The following LONRF1 variants were observed in gnomAD, a reference collection of about 807,000 sequenced individuals.
The protein encoded by LONRF1 is LON peptidase N-terminal domain and RING finger protein 1.
In LONRF1, 37 loss-of-function variants were observed where a neutral mutation model predicts 85.8. That is an observed-to-expected ratio of 0.43 (90% CI 0.33 to 0.57). LONRF1 has a LOEUF of 0.57. LONRF1 is among the 20% of genes least tolerant of loss of function. The pLI, the probability that LONRF1 is intolerant of heterozygous loss-of-function variation, is 0.04. For synonymous variants in LONRF1, 517 were observed against 390.1 expected (o/e 1.33, Z -3.83); for missense variants, 1,036 against 978.0 (o/e 1.06, Z -0.79).
intron 1 of LONRF1, among the ~76,000 whole-genome samples, chr8:12,746,991 T>C (rs956860817): frequency 6.6e-6 from 1 of 152,248 alleles, no homozygotes; most frequent in African/African-American, 2.4e-5. Context: ...ATATACATTA[T>C]TTATTAAAGT....
chr8:12,727,024 T>C (rs1460313534), intron 10 of LONRF1, among the ~76,000 whole-genome samples: 7 of 151,522 alleles, frequency 4.6e-5, no homozygotes, highest in South Asian at 2.1e-4. Flanking sequence ...AGCCACACAA[T>C]TGAAGAATTT....
intron 1 of LONRF1, among the ~76,000 whole-genome samples, chr8:12,752,417 C>G (rs1411957752): frequency 6.6e-6 from 1 of 152,032 alleles, no homozygotes; most frequent in Non-Finnish European, 1.5e-5. Context: ...ATTAAGAATT[C>G]AAAAGATTAA....
At chr8:12,737,826 T>C (rs780772448) in intron 4 of LONRF1, among the ~76,000 whole-genome samples, 169 bp downstream of exon 4, 2 of 152,210 alleles carry the variant, frequency 1.3e-5, no homozygotes, top group Non-Finnish European at 2.9e-5. Context: ...ATATTTTACA[T>C]AAAAGATTTT....
intron 1 of LONRF1, among the ~76,000 whole-genome samples, chr8:12,752,281 T>C (rs1799438767): frequency 1.3e-5 from 2 of 152,244 alleles, no homozygotes; most frequent in South Asian, 4.1e-4. Flanking sequence ...CTAAGGATTG[T>C]ACAAACAGCT....
At chr8:12,745,414 C>CA (rs1234664897) in intron 1 of LONRF1, among the ~76,000 whole-genome samples, 1 of 140,984 alleles carries the variant, frequency 7.1e-6, no homozygotes, top group Non-Finnish European at 1.5e-5. Flanking sequence ...ACACTGATCT[C>CA]AAATTCTTAA....
At chr8:12,737,972 G>T in intron 4 of LONRF1, 23 bp downstream of exon 4, 2 of 1,587,954 alleles carry the variant, frequency 1.3e-6, no homozygotes, top group South Asian at 1.2e-5. Flanking sequence ...CTAAACTCAT[G>T]ATAACCTTGT....
At chr8:12,751,241 TATAA>T (rs1484447960) in intron 1 of LONRF1, among the ~76,000 whole-genome samples, 2 of 150,516 alleles carry the variant, frequency 1.3e-5, no homozygotes, top group Non-Finnish European at 3.0e-5. Context: ...ATGATATTAA[TATAA>T]ATAATGTAAA....
chr8:12,738,271 G>T, intron 3 of LONRF1, 127 bp from the exon 4 acceptor site: 1 of 621,894 alleles, frequency 1.6e-6, no homozygotes, highest in Non-Finnish European at 2.6e-6. Context: ...GAGCAGGAGG[G>T]GAACAAGGTA....
intron 10 of LONRF1, chr8:12,726,115 G>T (rs906027371): frequency 8.0e-5 from 31 of 387,912 alleles, no homozygotes; most frequent in African/African-American, 5.3e-4. Context: ...TGACTTAGCA[G>T]TGCAATATTG....
intron 1 of LONRF1, among the ~76,000 whole-genome samples, chr8:12,752,440 C>T (rs577839409): frequency 5.9e-5 from 9 of 152,278 alleles, no homozygotes; most frequent in Non-Finnish European, 1.3e-4. Flanking sequence ...AACTTATCCT[C>T]ATTAGTGCCA....
intron 11 of LONRF1, 137 bp from the exon 12 acceptor site, chr8:12,723,391 T>C: frequency 2.8e-6 from 2 of 714,870 alleles, no homozygotes; most frequent in East Asian, 2.7e-5. Flanking sequence ...TTAACAATTA[T>C]GCAAAGTATA....
intron 1 of LONRF1, among the ~76,000 whole-genome samples, chr8:12,747,546 T>C (rs1307077319): frequency 6.6e-6 from 1 of 152,216 alleles, no homozygotes; most frequent in Non-Finnish European, 1.5e-5. Context: ...TTATTTGTGA[T>C]TCTAGGAATG....
intron 3 of LONRF1, among the ~76,000 whole-genome samples, chr8:12,740,034 G>T (rs183729193): frequency 1.8e-3 from 276 of 152,252 alleles, no homozygotes; most frequent in Middle Eastern, 3.4e-3. Flanking sequence ...CAATTTTAGA[G>T]ATTCTGAATC....
chr8:12,734,597 G>A (rs1327210608), intron 7 of LONRF1, among the ~76,000 whole-genome samples: 1 of 152,222 alleles, frequency 6.6e-6, no homozygotes, highest in South Asian at 2.1e-4. Context: ...CTGAGATCTA[G>A]CTACTTTCCT....
intron 7 of LONRF1, among the ~76,000 whole-genome samples, chr8:12,733,537 CCCA>C (rs1798607108): frequency 6.6e-6 from 1 of 152,156 alleles, no homozygotes; most frequent in Non-Finnish European, 1.5e-5. Flanking sequence ...TCCATTGTCA[CCCA>C]CTACTGAGTA....
intron 7 of LONRF1, among the ~76,000 whole-genome samples, chr8:12,732,667 A>AT (rs1318586656): frequency 1.3e-5 from 2 of 151,864 alleles, no homozygotes; most frequent in African/African-American, 2.4e-5. Context: ...TTCCTTAATT[A>AT]TTTTTTTCTC....
At chr8:12,733,531 T>C (rs1000351396) in intron 7 of LONRF1, among the ~76,000 whole-genome samples, 2 of 152,158 alleles carry the variant, frequency 1.3e-5, no homozygotes, top group East Asian at 1.9e-4. Context: ...TTTTCTTCCA[T>C]TGTCACCCAC....
intron 11 of LONRF1, among the ~76,000 whole-genome samples, chr8:12,723,470 G>C (rs778907967): frequency 6.6e-6 from 1 of 152,232 alleles, no homozygotes; most frequent in Non-Finnish European, 1.5e-5. Flanking sequence ...TTATGTGGCA[G>C]AGCCGAGATT....
At chr8:12,746,741 G>A (rs925438599) in intron 1 of LONRF1, among the ~76,000 whole-genome samples, 3 of 152,158 alleles carry the variant, frequency 2.0e-5, no homozygotes, top group African/African-American at 4.8e-5. Flanking sequence ...AAACAGTGAA[G>A]AGTATATGCA....
Sources: gnomAD v4.1 joint callset for allele counts (sites outside exome capture counted in the v4.1 genomes callset) on GRCh38, gnomAD v4.1.1 for gene constraint, MANE v1.5 for transcripts, NCBI Gene and HGNC (gene_info 2026-07-23, HGNC 2026-07-21) for gene names.